Variants in ANO10 observed in about 807,000 individuals in gnomAD.
ANO10 encodes the protein anoctamin 10.
In ANO10, 77 loss-of-function variants were observed where a neutral mutation model predicts 74.7. That is an observed-to-expected ratio of 1.03 (90% CI 0.86 to 1.25). The LOEUF (loss-of-function observed/expected upper bound fraction) is 1.25. Among genes scored for constraint, ANO10 ranks in the 50% most tolerant of loss-of-function variants. The pLI is 0.00. For missense variants in ANO10, 721 were observed against 778.1 expected, an observed-to-expected ratio of 0.93 and a Z score of 0.87; for synonymous variants, 279 against 284.9, an observed-to-expected ratio of 0.98 and a Z score of 0.21.
Position 43,610,978 on chromosome 3 carries a change from G to A in ANO10, c.-11-5115C>T, listed in dbSNP as rs184440500. ...GAGAATCTTCAAGACCTTGTCTAAG[G>A]TTTCTTGTCTAGTTCTCTACCCAAT... On this transcript the variant is annotated intron_variant, in intron 1 of 12. Coordinates refer to ENST00000292246, the MANE Select transcript of ANO10 (RefSeq NM_018075.5). 2.6e-5 allele frequency among the ~76,000 whole-genome samples: 4 copies of A among 152,258 alleles called. No homozygotes were observed. The East Asian group carries it at 7.7e-4, about 29-fold the overall frequency.
At chr3:43,505,584 C>T (rs2077264909) in intron 11 of ANO10, among the ~76,000 whole-genome samples, 1 of 152,204 alleles carries the variant, frequency 6.6e-6, no homozygotes, top group Admixed American at 6.5e-5. Context: ...TGATATAACA[C>T]ATTTTCTTCA....
intron 11 of ANO10, among the ~76,000 whole-genome samples, chr3:43,441,106 A>C (rs1204838781): frequency 6.6e-6 from 1 of 152,030 alleles, no homozygotes; most frequent in African/African-American, 2.4e-5. Context: ...AAAGATCTCA[A>C]GTCAATAACT....
At chr3:43,691,039 G>A (rs2084365740) in intron 1 of ANO10, 2 of 1,556,166 alleles carry the variant, frequency 1.3e-6, no homozygotes, top group East Asian at 2.6e-5. Flanking sequence ...ACCGGAGAGA[G>A]GTAAGCGCAG....
chr3:43,584,171 C>A (rs1362014845), intron 4 of ANO10, among the ~76,000 whole-genome samples: 1 of 152,202 alleles, frequency 6.6e-6, no homozygotes, highest in Non-Finnish European at 1.5e-5. Flanking sequence ...TGCTTGAGGA[C>A]TAAGACACAT....
chr3:43,438,425 A>G (rs865878700), intron 11 of ANO10, among the ~76,000 whole-genome samples: 11 of 151,610 alleles, frequency 7.3e-5, no homozygotes, highest in Middle Eastern at 3.4e-3. Context: ...GCCTGCTGAC[A>G]TGGCAGGGCC....
intron 11 of ANO10, among the ~76,000 whole-genome samples, chr3:43,475,931 C>A (rs9311340): frequency 0.49 from 74,859 of 151,936 alleles, 20,587 homozygotes; most frequent in East Asian, 0.83. Context: ...ATACTTTTGA[C>A]AGTTCATGGA....
intron 1 of ANO10, among the ~76,000 whole-genome samples, chr3:43,608,053 A>T (rs1178392270): frequency 1.3e-5 from 2 of 152,200 alleles, no homozygotes; most frequent in Non-Finnish European, 2.9e-5. Flanking sequence ...CAATATCTGA[A>T]GAGACTGACC....
In ANO10 at chr3:43,598,634, A is replaced by C; in HGVS notation, c.370T>G (p.Cys124Gly). 6.2e-7 allele frequency: 1 copy of C among 1,609,950 alleles called. No homozygotes were observed. Among genetic ancestry groups the C allele is most frequent in the East Asian group, 2.2e-5 (1 of 44,684 alleles). ...AGTTCATGTTTGATAATGAATTGAC[A>C]TTCTGCCATTGTCAGGAAATCATCA... is the stretch of plus-strand genomic sequence containing the variant. ...NNDDFLTMAE[C>G]QFIIKHELEN... Residue 124 changes from cysteine to glycine, a missense_variant, in exon 4 of 13, where the codon TGT becomes GGT. Coordinates refer to ENST00000292246, the MANE Select transcript of ANO10 (RefSeq NM_018075.5).
At chr3:43,667,367 G>T (rs374591337) in intron 1 of ANO10, among the ~76,000 whole-genome samples, 1 of 152,008 alleles carries the variant, frequency 6.6e-6, no homozygotes, top group African/African-American at 2.4e-5. Context: ...GGGATTACAC[G>T]CGTGGGCCAC....
chr3:43,592,809 G>A (rs979904403), intron 4 of ANO10, among the ~76,000 whole-genome samples: 2 of 152,160 alleles, frequency 1.3e-5, no homozygotes, highest in Non-Finnish European at 2.9e-5. Context: ...ACTTCTCCGA[G>A]CTAAAGGAGG....
intron 11 of ANO10, among the ~76,000 whole-genome samples, chr3:43,443,871 C>T (rs1025165213): frequency 9.2e-5 from 14 of 151,514 alleles, no homozygotes; most frequent in Non-Finnish European, 1.5e-4. Context: ...TTAGTAGAGA[C>T]GGGTTTCACC....
At chr3:43,374,125 C>A (rs1432893344) in intron 12 of ANO10, among the ~76,000 whole-genome samples, 1 of 152,196 alleles carries the variant, frequency 6.6e-6, no homozygotes, top group Non-Finnish European at 1.5e-5. Context: ...GTCCATGGGT[C>A]TGGGCATCAG....
At chr3:43,596,519 T>C (rs1190241785) in intron 4 of ANO10, among the ~76,000 whole-genome samples, 1 of 152,072 alleles carries the variant, frequency 6.6e-6, no homozygotes, top group Non-Finnish European at 1.5e-5. Flanking sequence ...GGGAAAGGAT[T>C]CCCTATTTAA....
At chr3:43,591,971 G>T (rs1167086148) in intron 4 of ANO10, among the ~76,000 whole-genome samples, 1 of 152,218 alleles carries the variant, frequency 6.6e-6, no homozygotes, top group Admixed American at 6.5e-5. Flanking sequence ...GGCTCAGAGG[G>T]TCCCACGCCC....
chr3:43,580,172 G>T (rs376030395), intron 5 of ANO10, among the ~76,000 whole-genome samples, 181 bp downstream of exon 5: 6 of 146,454 alleles, frequency 4.1e-5, no homozygotes, highest in Middle Eastern at 3.6e-3. Context: ...TTTAAAAAAA[G>T]AAAAAAGGGG....
chr3:43,462,443 C>T (rs574692168), intron 11 of ANO10, among the ~76,000 whole-genome samples: 1 of 152,234 alleles, frequency 6.6e-6, no homozygotes, highest in Admixed American at 6.5e-5. Context: ...GTTGGTCAGG[C>T]TGGTCTCGAA....
At chr3:43,446,320 C>A (rs2093245472) in intron 11 of ANO10, among the ~76,000 whole-genome samples, 1 of 152,044 alleles carries the variant, frequency 6.6e-6, no homozygotes, top group African/African-American at 2.4e-5. Context: ...TTTGTCAGAG[C>A]AAGGGAAGTG....
At chr3:43,503,972 G>A (rs1020773574) in intron 11 of ANO10, among the ~76,000 whole-genome samples, 1 of 152,056 alleles carries the variant, frequency 6.6e-6, no homozygotes, top group Non-Finnish European at 1.5e-5. Context: ...TATATAAAGT[G>A]TTGGGGATTG....
chr3:43,545,503 T>C (rs953830460), intron 11 of ANO10, among the ~76,000 whole-genome samples: 7 of 152,104 alleles, frequency 4.6e-5, no homozygotes, highest in African/African-American at 1.2e-4. Flanking sequence ...GTAGCTGGGA[T>C]TACAGGCACG....
Sources: allele counts gnomAD v4.1 joint callset (sites outside exome capture counted in the v4.1 genomes callset), GRCh38; gene constraint gnomAD v4.1.1; transcripts MANE v1.5; gene names NCBI Gene and HGNC (gene_info 2026-07-23, HGNC 2026-07-21).